TLR5: variants seen among roughly 807,000 people sequenced by gnomAD.
The protein encoded by TLR5 is toll-like receptor 5.
For synonymous variants in TLR5, 373 were observed against 384.4 expected, an observed-to-expected ratio of 0.97 and a Z score of 0.35; for missense variants, 944 against 999.8, an observed-to-expected ratio of 0.94 and a Z score of 0.75.
At chr1:223,141,292 AAAC>A (rs1657826750) in intron 2 of TLR5, 1 of 152,140 alleles carries the variant, frequency 6.6e-6, no homozygotes, top group Non-Finnish European at 1.5e-5. Flanking sequence ...CCCTCCTCAG[AAAC>A]AACACCGAAA....
chr1:223,116,985 C>T (rs1026557022), intron 5 of TLR5, among the ~76,000 whole-genome samples: 20 of 152,280 alleles, frequency 1.3e-4, no homozygotes, highest in Non-Finnish European at 2.5e-4. Flanking sequence ...CTTGGGTGGT[C>T]GATGGGACCG....
rs762039345 is a variant in TLR5, at chr1:223,119,818, G to T, written c.-4-6783C>A. Among the ~76,000 whole-genome samples, 235 of 150,910 alleles carry T rather than the reference G, an allele frequency of 1.6e-3. 2 individuals carry two copies. The highest frequency in any genetic ancestry group is 5.4e-3 in the African/African-American group (222 of 40,920). On this transcript the variant is annotated intron_variant, in intron 5 of 5. Transcript: ENST00000642603. ...CTACTAAAAATACAAAAAATTAGCC[G>T]GGCGGGGTGGTGGCATCTGTACTTG...
intron 5 of TLR5, among the ~76,000 whole-genome samples, chr1:223,118,246 TGAAA>T (rs1656775822): frequency 6.6e-6 from 1 of 152,208 alleles, no homozygotes; most frequent in African/African-American, 2.4e-5. Flanking sequence ...GGCAATTGGT[TGAAA>T]GAGTTATCAA....
In TLR5 at chr1:223,110,093, G is replaced by A. The variant is rs1656242910; in HGVS notation, c.*362C>T. On this transcript the variant is annotated 3_prime_UTR_variant, in exon 6 of 6. Coordinates refer to ENST00000642603, the MANE Select transcript of TLR5 (RefSeq NM_003268.6). ...GAATCATGGACCATCCCATTTTTTAGCTGAATGCTAGAGAAAGCACGTCAG... is the reference window on the plus strand; with the variant it reads ...GAATCATGGACCATCCCATTTTTTAACTGAATGCTAGAGAAAGCACGTCAG... 1.0e-5 allele frequency: 3 copies of A among 292,622 alleles called. No individual in the cohort carries two copies. The highest frequency in any genetic ancestry group is 1.9e-5 in the Non-Finnish European group (3 of 155,764). The allele number at this position is 292,622 out of a possible 1,614,324, so 18.1% of individuals were successfully genotyped here.
At chr1:223,124,261 C>T (rs1340504012) in intron 5 of TLR5, among the ~76,000 whole-genome samples, 5 of 151,940 alleles carry the variant, frequency 3.3e-5, no homozygotes. Context: ...CTGGACAACA[C>T]GGTGAAACCT....
intron 2 of TLR5, among the ~76,000 whole-genome samples, chr1:223,138,510 A>G (rs1034403026): frequency 1.4e-4 from 21 of 152,226 alleles, no homozygotes; most frequent in South Asian, 8.3e-4. Context: ...TGCTTTCACA[A>G]GTTAAACTGT....
At chr1:223,138,746 G>A (rs2102942651) in intron 2 of TLR5, among the ~76,000 whole-genome samples, 1 of 152,286 alleles carries the variant, frequency 6.6e-6, no homozygotes, top group Non-Finnish European at 1.5e-5. Context: ...TCCTACACCT[G>A]CAGCACACCA....
At position 223,112,912 on chromosome 1, in the gene TLR5, C is replaced by G. The variant is rs1238501360; in HGVS notation, c.120G>C (p.Gln40His). ...CAGTGGTGTTGAGGACCTGGGGGAC[C>G]TGGGTGAGGTTGCAGAAACGATAAA... ...IAFYRFCNLT[Q>H]VPQVLNTTER... Residue 40 changes from glutamine (Q) to histidine (H), a missense_variant, in exon 6 of 6, where the codon CAG (glutamine) becomes CAC (histidine). Physicochemically the swap from Gln to His is conservative, Grantham distance 24. Coordinates refer to ENST00000642603, the MANE Select transcript of TLR5 (RefSeq NM_003268.6). 2 of 1,614,148 alleles carry G rather than the reference C, an allele frequency of 1.2e-6. No individual in the cohort carries two copies. Among genetic ancestry groups the G allele is most frequent in the Non-Finnish European group, 1.7e-6 (2 of 1,180,020 alleles).
intron 5 of TLR5, among the ~76,000 whole-genome samples, 176 bp from the exon 6 acceptor site, chr1:223,113,211 TTC>T (rs1254407817): frequency 6.6e-6 from 1 of 152,144 alleles, no homozygotes. Flanking sequence ...CTTACTCTAT[TTC>T]TGTTTTTTTT....
rs756692552 is a variant in TLR5, at chr1:223,110,488, GTTA to G, written c.2541_2543del (p.Asn848del). On this transcript the variant is annotated inframe_deletion, in exon 6 of 6. Coordinates refer to ENST00000642603, the MANE Select transcript of TLR5 (RefSeq NM_003268.6). ...TGGTTGCTACAGTTTGCAACGGAAT[GTTA>G]TTGTCTTTCTTCTTTTCTTTTTCTT... 9 of 1,614,060 alleles carry G rather than the reference GTTA, an allele frequency of 5.6e-6. No individual in the cohort carries two copies. The Admixed American group carries it at 1.3e-4, about 24-fold the overall frequency.
At position 223,132,695 on chromosome 1, in the gene TLR5, TA is replaced by T. The variant is rs780917320; in HGVS notation, c.-169-57del. On this transcript the variant is annotated intron_variant, in intron 4 of 5. Transcript: ENST00000642603. ...GAAGAAACAAAAAATATTATGTAGA[TA>T]TTTTTCTATGCCATACAGCAGTTTT... 3.9e-5 allele frequency: 6 copies of T among 152,484 alleles called. No homozygotes were observed. The South Asian group carries it at 6.2e-4, about 16-fold the overall frequency. 9.4% of individuals were successfully genotyped at this position (152,484 alleles called of 1,614,324 possible). A position where few individuals can be genotyped will look rare whatever the true frequency, so the allele number is the denominator to read the frequency against.
chr1:223,113,151 T>C (rs1322599893), intron 5 of TLR5, 116 bp from the exon 6 acceptor site: 12 of 951,934 alleles, frequency 1.3e-5, no homozygotes, highest in Non-Finnish European at 2.0e-5. Context: ...GACCCCTTCA[T>C]TCCTCTGACT....
chr1:223,124,795 C>G (rs2102905012), intron 5 of TLR5, among the ~76,000 whole-genome samples: 1 of 152,086 alleles, frequency 6.6e-6, no homozygotes, highest in South Asian at 2.1e-4. Context: ...GTAGAGATAG[C>G]CTTTCACCAT....
chr1:223,114,387 G>C (rs115261901), intron 5 of TLR5, among the ~76,000 whole-genome samples: 1 of 152,180 alleles, frequency 6.6e-6, no homozygotes, highest in Non-Finnish European at 1.5e-5. Context: ...TGCTTTAAAT[G>C]TAATGAAAGG....
At chr1:223,113,870 C>G (rs1387181770) in intron 5 of TLR5, among the ~76,000 whole-genome samples, 1 of 152,238 alleles carries the variant, frequency 6.6e-6, no homozygotes, top group Non-Finnish European at 1.5e-5. Flanking sequence ...CACAATGTTG[C>G]TTCACTTCAG....
At chr1:223,128,583 G>A (rs974208371) in intron 5 of TLR5, 2 of 151,784 alleles carry the variant, frequency 1.3e-5, no homozygotes, top group South Asian at 4.2e-4. Flanking sequence ...GGGAACCTAA[G>A]TCTGTTTCAC....
intron 2 of TLR5, among the ~76,000 whole-genome samples, chr1:223,140,192 T>G (rs1213462310): frequency 2.0e-5 from 3 of 151,990 alleles, no homozygotes; most frequent in Non-Finnish European, 4.4e-5. Context: ...ATGTAGGGGA[T>G]TGGTCAGCAG....
intron 5 of TLR5, among the ~76,000 whole-genome samples, chr1:223,122,444 T>C (rs1214023364): frequency 6.6e-6 from 1 of 152,120 alleles, no homozygotes; most frequent in African/African-American, 2.4e-5. Flanking sequence ...CAGTGGTACC[T>C]GGGGTGAAGA....
intron 5 of TLR5, among the ~76,000 whole-genome samples, chr1:223,132,013 C>T (rs1352733002): frequency 6.6e-6 from 1 of 152,018 alleles, no homozygotes; most frequent in African/African-American, 2.4e-5. Flanking sequence ...ATGCAGGATC[C>T]CCCTGTAGTA....
Sources: gnomAD v4.1 joint callset for allele counts (sites outside exome capture counted in the v4.1 genomes callset) on GRCh38, gnomAD v4.1.1 for gene constraint, MANE v1.5 for transcripts, NCBI Gene and HGNC (gene_info 2026-07-23, HGNC 2026-07-21) for gene names.